Variants in LRIG1 observed in about 807,000 individuals in gnomAD.
LRIG1 encodes leucine-rich repeats and immunoglobulin-like domains protein 1.
Under a neutral mutation model 99.2 loss-of-function variants are expected in LRIG1, and 48 were observed. The observed-to-expected ratio is 0.48, with a 90% CI of 0.38 to 0.62. The LOEUF (loss-of-function observed/expected upper bound fraction) is 0.62, where lower values mean the gene tolerates loss of function less well. Among genes scored for constraint, LRIG1 ranks in the 20% least tolerant of loss-of-function variants. LRIG1 has a pLI of 0.00. For synonymous variants in LRIG1, 772 were observed against 596.1 expected (o/e 1.29, Z -4.30); for missense variants, 1,646 against 1,434.4 (o/e 1.15, Z -2.38).
intron 3 of LRIG1, among the ~76,000 whole-genome samples, chr3:66,419,551 CAGG>C (rs1303537767): frequency 6.6e-6 from 1 of 152,048 alleles, no homozygotes; most frequent in Non-Finnish European, 1.5e-5. Context: ...ATGCTGAGGC[CAGG>C]AGGAGACAGG....
intron 1 of LRIG1, among the ~76,000 whole-genome samples, chr3:66,492,846 G>A (rs1701135864): frequency 1.3e-5 from 2 of 152,158 alleles, no homozygotes; most frequent in Admixed American, 6.5e-5. Flanking sequence ...GGCCGTTCAC[G>A]TGGGCAAGGC....
chr3:66,427,185 G>T (rs556488196), intron 3 of LRIG1, among the ~76,000 whole-genome samples: 9 of 152,286 alleles, frequency 5.9e-5, no homozygotes, highest in African/African-American at 2.2e-4. Context: ...GTGCTGCACT[G>T]GAATTCTTAC....
intron 12 of LRIG1, chr3:66,386,929 A>G (rs77770732): frequency 0.017 from 2,562 of 151,970 alleles, 46 homozygotes; most frequent in Non-Finnish European, 0.028. Flanking sequence ...GCTCCATGGT[A>G]GCCTTGAAAC....
rs1491359297 is a variant in LRIG1 at position 66,490,644 on chromosome 3, TTA to T, written c.218+9544_218+9545del. Reference sequence around the variant, plus strand: ...ATACTAAGCTTTTCTGCCCCATAATTTAAAAAAAAAAAATGCATTGGAGCGTG... The same window carrying T: ...ATACTAAGCTTTTCTGCCCCATAATTAAAAAAAAAAATGCATTGGAGCGTG... On this transcript the variant is annotated intron_variant, in intron 1 of 18. Coordinates refer to ENST00000273261, the MANE Select transcript of LRIG1 (RefSeq NM_015541.3). Among the ~76,000 whole-genome samples the T allele has an allele frequency of 8.0e-4, 12 of 14,910 alleles. No individual in the cohort carries two copies. In the Admixed American group the frequency reaches 9.9e-3, roughly 12 times the overall value. 9.8% of individuals were successfully genotyped at this position (14,910 alleles called of 152,430 possible). A position where few individuals can be genotyped will look rare whatever the true frequency, so the allele number is the denominator to read the frequency against.
intron 3 of LRIG1, among the ~76,000 whole-genome samples, chr3:66,449,796 G>T (rs889200716): frequency 7.9e-5 from 12 of 152,304 alleles, no homozygotes; most frequent in African/African-American, 2.9e-4. Flanking sequence ...ATTCTCTGTG[G>T]CCCTAGCTTC....
intron 1 of LRIG1, among the ~76,000 whole-genome samples, chr3:66,493,056 T>C (rs1433192152): frequency 6.6e-6 from 1 of 151,528 alleles, no homozygotes; most frequent in Non-Finnish European, 1.5e-5. Flanking sequence ...TGCATACAAC[T>C]CCACAATTGT....
chr3:66,435,155 G>C (rs897146617), intron 3 of LRIG1, among the ~76,000 whole-genome samples: 2 of 152,152 alleles, frequency 1.3e-5, no homozygotes, highest in Admixed American at 1.3e-4. Flanking sequence ...AACCTCCAGG[G>C]AATTACGCTG....
intron 1 of LRIG1, among the ~76,000 whole-genome samples, chr3:66,484,036 G>A (rs1215584702): frequency 1.3e-5 from 2 of 152,254 alleles, no homozygotes; most frequent in Non-Finnish European, 2.9e-5. Flanking sequence ...CAGGTAAACA[G>A]CCTGTCATCT....
intron 3 of LRIG1, among the ~76,000 whole-genome samples, chr3:66,423,061 T>C (rs1256885491): frequency 6.6e-6 from 1 of 152,142 alleles, no homozygotes. Context: ...CCATGACACA[T>C]GGGAATTGTA....
At position 66,382,319 on chromosome 3, in the gene LRIG1, G is replaced by A. The variant is rs755144726; in HGVS notation, c.2571C>T (p.Val857=). The change falls in exon 16 of 19, where the codon GTC becomes GTT. Residue 857 remains valine (V), a synonymous_variant. Coordinates refer to ENST00000273261, the MANE Select transcript of LRIG1 (RefSeq NM_015541.3). The part of the protein sequence containing the change: ...GTLSDRQETV[V]RTEGGPQANG... The stretch of plus-strand genomic sequence containing the variant: ...TGGCCTGAGGGCCACCCTCGGTCCT[G>A]ACCACGGTTTCTTGTCGGTCAGAAA... 5 of 1,614,192 alleles carry A rather than the reference G, an allele frequency of 3.1e-6. No homozygotes were observed. In the South Asian group the frequency reaches 4.4e-5, roughly 14 times the overall value.
intron 12 of LRIG1, among the ~76,000 whole-genome samples, chr3:66,389,005 A>C (rs1701512004): frequency 6.6e-6 from 1 of 152,234 alleles, no homozygotes; most frequent in Non-Finnish European, 1.5e-5. Flanking sequence ...CTCCTGATTT[A>C]AAAGACAACT....
chr3:66,412,756 A>C, intron 6 of LRIG1, 115 bp downstream of exon 6: 1 of 1,262,546 alleles, frequency 7.9e-7, no homozygotes, highest in Non-Finnish European at 1.1e-6. Context: ...GCACACACCC[A>C]ACACACAGCA....
At chr3:66,499,698 C>T (rs543912140) in intron 1 of LRIG1, among the ~76,000 whole-genome samples, 6 of 152,156 alleles carry the variant, frequency 3.9e-5, no homozygotes, top group African/African-American at 1.2e-4. Context: ...AAGACTGGAC[C>T]CAACAGTCAC....
At chr3:66,472,332 A>T (rs9864011) in intron 1 of LRIG1, among the ~76,000 whole-genome samples, 7,036 of 135,356 alleles carry the variant, frequency 0.052, 509 homozygotes, top group African/African-American at 0.15. Flanking sequence ...AAAAAAAAAA[A>T]ACACTAACTT....
chr3:66,436,908 T>C (rs1703379881), intron 3 of LRIG1, among the ~76,000 whole-genome samples: 1 of 152,170 alleles, frequency 6.6e-6, no homozygotes, highest in Admixed American at 6.5e-5. Flanking sequence ...CCTTGGAGAC[T>C]CAAAGGGAAC....
chr3:66,413,842 T>A (rs1292565544), intron 5 of LRIG1, among the ~76,000 whole-genome samples: 1 of 152,158 alleles, frequency 6.6e-6, no homozygotes, highest in Non-Finnish European at 1.5e-5. Context: ...CCAGGTAGGA[T>A]GAGAGCCAGG....
At chr3:66,487,328 C>T (rs1700997595) in intron 1 of LRIG1, among the ~76,000 whole-genome samples, 1 of 151,954 alleles carries the variant, frequency 6.6e-6, no homozygotes, top group African/African-American at 2.4e-5. Flanking sequence ...AAGAAAATGG[C>T]CTTTTACTCC....
chr3:66,399,546 G>A (rs370900109), intron 9 of LRIG1, among the ~76,000 whole-genome samples: 9 of 152,318 alleles, frequency 5.9e-5, no homozygotes, highest in African/African-American at 1.9e-4. Flanking sequence ...GCTGAGGCAG[G>A]AGGATCACTT....
chr3:66,500,363 C>T lies in LRIG1; in HGVS notation c.45G>A (p.Ser15=). Residue 15 remains serine, a synonymous_variant, in exon 1 of 19, where the codon TCG becomes TCA. Coordinates refer to ENST00000273261, the MANE Select transcript of LRIG1 (RefSeq NM_015541.3). ...VRGGLGAPRR[S]PCLLLLWLLL... Reference sequence around the variant, plus strand: ...GCAGCCAGAGAAGGAGAAGGCAAGGCGAGCGGCGCGGGGCCCCGAGCCCTC... The same window carrying T: ...GCAGCCAGAGAAGGAGAAGGCAAGGTGAGCGGCGCGGGGCCCCGAGCCCTC... 3 of 1,488,722 alleles carry T rather than the reference C, an allele frequency of 2.0e-6. No individual in the cohort carries two copies. Among genetic ancestry groups the T allele is most frequent in the East Asian group, 2.7e-5 (1 of 36,954 alleles). The allele number at this position is 1,488,722 out of a possible 1,614,324, so 92.2% of individuals were successfully genotyped here. A position where few individuals can be genotyped will look rare whatever the true frequency, so the allele number is the denominator to read the frequency against.
Sources: allele counts gnomAD v4.1 joint callset (sites outside exome capture counted in the v4.1 genomes callset), GRCh38; gene constraint gnomAD v4.1.1; transcripts MANE v1.5; gene names NCBI Gene and HGNC (gene_info 2026-07-23, HGNC 2026-07-21).